The following TENM4 variants were observed in gnomAD, a reference collection of about 807,000 sequenced individuals.
The protein encoded by TENM4 is teneurin-4.
In TENM4, 82 loss-of-function variants were observed where a neutral mutation model predicts 243.3. That is an observed-to-expected ratio of 0.34 (90% CI 0.28 to 0.40). TENM4 has a LOEUF of 0.40. Among genes scored for constraint, TENM4 ranks in the 10% least tolerant of loss-of-function variants. TENM4 has a pLI of 1.00. For missense variants in TENM4, 3,138 were observed against 3,673.3 expected, an observed-to-expected ratio of 0.85 and a Z score of 3.77; for synonymous variants, 1,412 against 1,456.3, an observed-to-expected ratio of 0.97 and a Z score of 0.69.
At position 78,658,045 on chromosome 11, in the gene TENM4, T is replaced by G. The variant is rs778551925; in HGVS notation, c.*13A>C. 3 of 1,611,062 alleles carry G rather than the reference T, an allele frequency of 1.9e-6. No homozygotes were observed. The African/African-American group carries it at 4.0e-5, about 22-fold the overall frequency. On this transcript the variant is annotated 3_prime_UTR_variant, in exon 34 of 34. Transcript: ENST00000278550. ...AGTAGCTGTCTTTGGCAAGAAGTCC[T>G]TGGTCCTCTCTGTCACCTCCGGCCC...
chr11:79,360,974 C>T (rs1400025498), intron 1 of TENM4, among the ~76,000 whole-genome samples: 1 of 152,204 alleles, frequency 6.6e-6, no homozygotes, highest in African/African-American at 2.4e-5. Context: ...GGTCATATTA[C>T]AGAGCTCCAT....
intron 3 of TENM4, among the ~76,000 whole-genome samples, chr11:79,154,193 T>C (rs867401224): frequency 3.3e-5 from 5 of 151,748 alleles, no homozygotes; most frequent in Non-Finnish European, 4.4e-5. Flanking sequence ...ACAGGAAGCA[T>C]AGTGTTGGCA....
At chr11:78,822,054 T>C (rs561698845) in intron 12 of TENM4, among the ~76,000 whole-genome samples, 2 of 152,336 alleles carry the variant, frequency 1.3e-5, no homozygotes, top group South Asian at 4.1e-4. Context: ...CTAAAACGAA[T>C]GACCTAGGTG....
intron 6 of TENM4, among the ~76,000 whole-genome samples, chr11:78,941,908 G>T (rs2136458369): frequency 6.6e-6 from 1 of 152,044 alleles, no homozygotes; most frequent in South Asian, 2.1e-4. Context: ...GGCTCTCTTT[G>T]GCTCCCATGA....
At chr11:79,374,005 G>A (rs1413433460) in intron 1 of TENM4, among the ~76,000 whole-genome samples, 1 of 152,144 alleles carries the variant, frequency 6.6e-6, no homozygotes, top group Non-Finnish European at 1.5e-5. Flanking sequence ...GGAGAGGGGG[G>A]CATGCAGGCA....
intron 2 of TENM4, among the ~76,000 whole-genome samples, chr11:79,232,676 C>T (rs1024815557): frequency 6.6e-6 from 1 of 152,212 alleles, no homozygotes. Flanking sequence ...GTGTCCAGAA[C>T]ACAGGGAGAA....
intron 1 of TENM4, among the ~76,000 whole-genome samples, chr11:79,333,230 T>TCATC (rs947596494): frequency 1.4e-5 from 2 of 140,680 alleles, no homozygotes; most frequent in African/African-American, 5.1e-5. Context: ...GCCTGCCCAT[T>TCATC]CATCCATCCA....
intron 17 of TENM4, among the ~76,000 whole-genome samples, chr11:78,771,387 C>A (rs1856644559): frequency 6.6e-6 from 1 of 152,198 alleles, no homozygotes; most frequent in Non-Finnish European, 1.5e-5. Context: ...CTGAAACCCA[C>A]ACCTTCTGCA....
chr11:78,976,763 C>G (rs776607722), intron 6 of TENM4, among the ~76,000 whole-genome samples: 1 of 152,202 alleles, frequency 6.6e-6, no homozygotes, highest in African/African-American at 2.4e-5. Flanking sequence ...AGGAACCCTT[C>G]AGGCAGCTTT....
Position 78,756,840 on chromosome 11 carries a change from C to T in TENM4, c.2721G>A (p.Thr907=), listed in dbSNP as rs374810304. Residue 907 remains threonine, a synonymous_variant, in exon 19 of 34, where the codon ACG becomes ACA. Coordinates refer to ENST00000278550, the MANE Select transcript of TENM4 (RefSeq NM_001098816.3). ...RIKFLVGRDS[T]HIIPGENPFD... ...AGGGGTTCTCCCCGGGGATTATGTG[C>T]GTGCTGTCCCTGCCCACGAGGAACT... 2.4e-5 allele frequency: 39 copies of T among 1,613,862 alleles called. 1 individual carries two copies. The highest frequency in any genetic ancestry group is 5.5e-5 in the South Asian group (5 of 91,036).
intron 12 of TENM4, among the ~76,000 whole-genome samples, chr11:78,853,875 CACAG>C (rs1055792083): frequency 7.2e-5 from 11 of 152,190 alleles, no homozygotes; most frequent in African/African-American, 2.4e-4. Flanking sequence ...GCACACCAAC[CACAG>C]ACAGCAGGAG....
At chr11:78,813,616 G>T (rs1207082851) in intron 13 of TENM4, among the ~76,000 whole-genome samples, 1 of 152,220 alleles carries the variant, frequency 6.6e-6, no homozygotes, top group African/African-American at 2.4e-5. Flanking sequence ...CCAGGGGAGT[G>T]CCAAATTATC....
chr11:78,915,842 C>T (rs1158131112), intron 6 of TENM4, among the ~76,000 whole-genome samples: 1 of 152,166 alleles, frequency 6.6e-6, no homozygotes, highest in Non-Finnish European at 1.5e-5. Flanking sequence ...CATACCTTTC[C>T]CTCCACTTTG....
At chr11:79,370,645 T>C (rs1239353077) in intron 1 of TENM4, among the ~76,000 whole-genome samples, 1 of 152,070 alleles carries the variant, frequency 6.6e-6, no homozygotes, top group Non-Finnish European at 1.5e-5. Flanking sequence ...CTGAGCCTCA[T>C]GCTCCTGTCC....
At chr11:79,218,955 A>T (rs2135234143) in intron 2 of TENM4, among the ~76,000 whole-genome samples, 1 of 152,368 alleles carries the variant, frequency 6.6e-6, no homozygotes, top group Middle Eastern at 3.4e-3. Flanking sequence ...ATAATGATTC[A>T]GAAGCAAATC....
chr11:79,256,649 A>G (rs1163560776), intron 2 of TENM4, among the ~76,000 whole-genome samples: 1 of 152,204 alleles, frequency 6.6e-6, no homozygotes, highest in Non-Finnish European at 1.5e-5. Flanking sequence ...TGTCCATGTC[A>G]GGTTTGTCTG....
At chr11:79,274,423 G>A (rs1439215726) in intron 2 of TENM4, among the ~76,000 whole-genome samples, 1 of 152,186 alleles carries the variant, frequency 6.6e-6, no homozygotes, top group Non-Finnish European at 1.5e-5. Flanking sequence ...ACTAAATCAA[G>A]TTGCTGATTT....
At chr11:79,381,327 G>A (rs1163729759) in intron 1 of TENM4, among the ~76,000 whole-genome samples, 11 of 122,556 alleles carry the variant, frequency 9.0e-5, no homozygotes, top group African/African-American at 3.3e-4. Flanking sequence ...AGCTCAAATG[G>A]CCTGGAAAAA....
chr11:79,038,825 C>T (rs1399068058), intron 6 of TENM4, among the ~76,000 whole-genome samples: 1 of 152,140 alleles, frequency 6.6e-6, no homozygotes. Context: ...TGCAAGAAGC[C>T]TAGCCTCATA....
Sources: gnomAD v4.1 joint callset for allele counts (sites outside exome capture counted in the v4.1 genomes callset) on GRCh38, gnomAD v4.1.1 for gene constraint, MANE v1.5 for transcripts, NCBI Gene and HGNC (gene_info 2026-07-23, HGNC 2026-07-21) for gene names.